The following RALYL variants were observed in gnomAD, a reference collection of about 807,000 sequenced individuals.
RALYL encodes RALY RNA binding protein like, also known as RNA-binding Raly-like protein.
Under a neutral mutation model 35.1 loss-of-function variants are expected in RALYL, and 29 were observed. The ratio of observed to expected loss-of-function variants is 0.83; its 90% CI spans 0.61 to 1.13. The LOEUF (loss-of-function observed/expected upper bound fraction) is 1.13, where lower values mean the gene tolerates loss of function less well. RALYL is among the 50% of genes most tolerant of loss of function. RALYL has a pLI of 0.00. For missense variants in RALYL, 359 were observed against 360.4 expected (o/e 1.00, Z 0.03); for synonymous variants, 120 against 127.6 (o/e 0.94, Z 0.40).
chr8:84,220,282 C>A (rs1482545422), intron 1 of RALYL, among the ~76,000 whole-genome samples: 2 of 151,966 alleles, frequency 1.3e-5, no homozygotes, highest in African/African-American at 4.8e-5. Context: ...TATTCAATAA[C>A]TTGCTTTGTC....
chr8:84,519,553 T>C (rs913459705), intron 1 of RALYL, among the ~76,000 whole-genome samples: 8 of 152,230 alleles, frequency 5.3e-5, no homozygotes, highest in Admixed American at 3.3e-4. Context: ...CCCTCACTGC[T>C]GTAAGTGAAT....
At chr8:84,207,448 G>A (rs12375297) in intron 1 of RALYL, among the ~76,000 whole-genome samples, 45,217 of 151,842 alleles carry the variant, frequency 0.3, 7,255 homozygotes, top group African/African-American at 0.42. Context: ...GCATTATGCT[G>A]TGTGAAAGTA....
intron 1 of RALYL, among the ~76,000 whole-genome samples, chr8:84,285,393 G>C (rs557246143): frequency 6.6e-6 from 1 of 152,258 alleles, no homozygotes; most frequent in South Asian, 2.1e-4. Context: ...CTAATTATTA[G>C]TGATAATTGT....
At chr8:84,711,703 G>C (rs1842216238) in intron 2 of RALYL, among the ~76,000 whole-genome samples, 1 of 152,046 alleles carries the variant, frequency 6.6e-6, no homozygotes. Flanking sequence ...GTGATAATAG[G>C]TTTGATATTT....
chr8:84,360,665 CATTGGA>C (rs1425023279), intron 1 of RALYL, among the ~76,000 whole-genome samples: 1 of 152,072 alleles, frequency 6.6e-6, no homozygotes, highest in Non-Finnish European at 1.5e-5. Flanking sequence ...AGGAATTGCA[CATTGGA>C]AGGATTTATT....
At chr8:84,451,106 C>G (rs908156487) in intron 1 of RALYL, among the ~76,000 whole-genome samples, 1 of 152,030 alleles carries the variant, frequency 6.6e-6, no homozygotes, top group South Asian at 2.1e-4. Context: ...ATAAGATTAA[C>G]TCTAGCCAAA....
chr8:84,339,643 C>T (rs1406385120), intron 1 of RALYL, among the ~76,000 whole-genome samples: 1 of 151,616 alleles, frequency 6.6e-6, no homozygotes, highest in Non-Finnish European at 1.5e-5. Flanking sequence ...GCACCCCACC[C>T]CCCAGTTTGT....
At chr8:84,871,959 A>T (rs1399026878) in intron 6 of RALYL, among the ~76,000 whole-genome samples, 1 of 152,190 alleles carries the variant, frequency 6.6e-6, no homozygotes, top group Admixed American at 6.6e-5. Context: ...TTTTCAAAAA[A>T]GTCTGAAGAC....
chr8:84,259,873 G>A (rs1302042173), intron 1 of RALYL, among the ~76,000 whole-genome samples: 4 of 152,094 alleles, frequency 2.6e-5, no homozygotes, highest in South Asian at 4.1e-4. Flanking sequence ...CACACACTGC[G>A]TTCCCTTTCA....
At chr8:84,505,598 A>C (rs1489326526) in intron 1 of RALYL, among the ~76,000 whole-genome samples, 1 of 152,088 alleles carries the variant, frequency 6.6e-6, no homozygotes, top group Non-Finnish European at 1.5e-5. Context: ...TACATGTGCA[A>C]GTTTGTCACA....
intron 1 of RALYL, among the ~76,000 whole-genome samples, chr8:84,402,103 A>G (rs1211527182): frequency 6.6e-6 from 1 of 152,198 alleles, no homozygotes; most frequent in Non-Finnish European, 1.5e-5. Flanking sequence ...TGGCTTTTCC[A>G]TTCTGCTTTC....
intron 1 of RALYL, among the ~76,000 whole-genome samples, chr8:84,249,626 T>G (rs986264335): frequency 6.6e-6 from 1 of 152,018 alleles, no homozygotes; most frequent in East Asian, 1.9e-4. Flanking sequence ...AACTGAAAAA[T>G]AGTTGAGTAC....
At chr8:84,265,717 G>A (rs2131866051) in intron 1 of RALYL, among the ~76,000 whole-genome samples, 1 of 150,404 alleles carries the variant, frequency 6.6e-6, no homozygotes, top group Non-Finnish European at 1.5e-5. Flanking sequence ...TGCAATAGCA[G>A]CATATACCCC....
chr8:84,322,339 A>C (rs1845020522), intron 1 of RALYL, among the ~76,000 whole-genome samples: 1 of 152,110 alleles, frequency 6.6e-6, no homozygotes, highest in Non-Finnish European at 1.5e-5. Context: ...TAATTTTGGC[A>C]GAAAAAAATT....
chr8:84,300,617 G>T (rs1243508825), intron 1 of RALYL, among the ~76,000 whole-genome samples: 2 of 151,956 alleles, frequency 1.3e-5, no homozygotes, highest in South Asian at 4.1e-4. Flanking sequence ...TAATCTGGGT[G>T]CTCCTGTGTT....
At chr8:84,359,312 A>G (rs1298082998) in intron 1 of RALYL, among the ~76,000 whole-genome samples, 1 of 151,806 alleles carries the variant, frequency 6.6e-6, no homozygotes, top group Non-Finnish European at 1.5e-5. Flanking sequence ...CTACTGAATT[A>G]GCATAAACCA....
chr8:84,578,343 G>A (rs1809986010), intron 2 of RALYL, among the ~76,000 whole-genome samples: 1 of 152,208 alleles, frequency 6.6e-6, no homozygotes, highest in Admixed American at 6.5e-5. Context: ...TCCAAAGAGG[G>A]TGTCACAGCC....
Position 84,410,272 on chromosome 8 carries a change from G to A in RALYL, c.-23-119027G>A, listed in dbSNP as rs2043969559. ...TGTACTCTAGAACCGGATTGCCTAG[G>A]TTCAAATTCTGATACAAAAACTCTA... is the stretch of plus-strand genomic sequence containing the variant. On this transcript the variant is annotated intron_variant, in intron 1 of 8. Transcript: ENST00000521268. 3.3e-5 allele frequency among the ~76,000 whole-genome samples: 5 copies of A among 151,842 alleles called. No individual in the cohort carries two copies. In the South Asian group the frequency reaches 1.0e-3, roughly 31 times the overall value.
At chr8:84,502,375 G>A (rs1206557590) in intron 1 of RALYL, among the ~76,000 whole-genome samples, 1 of 151,996 alleles carries the variant, frequency 6.6e-6, no homozygotes, top group African/African-American at 2.4e-5. Flanking sequence ...GAAGAAGAAA[G>A]TCTATAAATC....
Sources: allele counts gnomAD v4.1 joint callset (sites outside exome capture counted in the v4.1 genomes callset), GRCh38; gene constraint gnomAD v4.1.1; transcripts MANE v1.5; gene names NCBI Gene and HGNC (gene_info 2026-07-23, HGNC 2026-07-21).